Variants in SGCD observed in about 807,000 individuals in gnomAD.
The protein encoded by SGCD is sarcoglycan delta, also known as delta-sarcoglycan.
Under a neutral mutation model 36.6 loss-of-function variants are expected in SGCD, and 18 were observed. The observed-to-expected ratio is 0.49, with a 90% confidence interval of 0.34 to 0.73. The LOEUF (loss-of-function observed/expected upper bound fraction) is 0.73. SGCD is among the 30% of genes least tolerant of loss of function. SGCD has a pLI of 0.01. For missense variants in SGCD, 387 were observed against 346.7 expected, an observed-to-expected ratio of 1.12 and a Z score of -0.92; for synonymous variants, 133 against 130.6, an observed-to-expected ratio of 1.02 and a Z score of -0.12.
intron 3 of SGCD, among the ~76,000 whole-genome samples, chr5:156,423,089 G>A (rs766609396): frequency 4.4e-5 from 6 of 136,466 alleles, no homozygotes; most frequent in Admixed American, 8.1e-5. Context: ...TCCATTTCAC[G>A]AGGGTCATTA....
chr5:156,629,091 A>G (rs1171562733), intron 6 of SGCD, among the ~76,000 whole-genome samples: 1 of 152,200 alleles, frequency 6.6e-6, no homozygotes, highest in Non-Finnish European at 1.5e-5. Context: ...GAGGGAAATG[A>G]TGAGAGTATC....
rs369508913 is a variant in SGCD at position 156,305,324 on chromosome 5, C to T, written c.-43-24210C>T. On this transcript the variant is annotated intron_variant, in intron 3 of 9. Transcript: ENST00000517913. ...GACTTGGTGTCCTGCATCCCAGTCA[C>T]TCCAGCCATGGCTGAAAGGGGCCAA... Among the ~76,000 whole-genome samples the T allele has an allele frequency of 1.9e-3, 284 of 152,272 alleles. 1 individual carries two copies. Among genetic ancestry groups the T allele is most frequent in the Middle Eastern group, 6.8e-3 (2 of 294 alleles).
chr5:155,906,182 G>A (rs980930319), intron 1 of SGCD, among the ~76,000 whole-genome samples: 2 of 152,044 alleles, frequency 1.3e-5, no homozygotes, highest in African/African-American at 4.8e-5. Context: ...AATCATGCCT[G>A]TGTAATATAG....
At position 156,386,599 on chromosome 5, in the gene SGCD, C is replaced by T. The variant is rs771370351; in HGVS notation, c.192+41922C>T. On this transcript the variant is annotated intron_variant, in intron 3 of 8. Transcript: ENST00000337851. ...AAGTAAGGGTGCTAATAGTCCCTTG[C>T]GATGCCGCCATATATCTTAATGAAA... Among the ~76,000 whole-genome samples the T allele has an allele frequency of 5.3e-5, 8 of 152,194 alleles. No homozygotes were observed. The South Asian group carries it at 6.2e-4, about 12-fold the overall frequency.
At chr5:156,676,882 A>G (rs1753535564) in intron 7 of SGCD, among the ~76,000 whole-genome samples, 1 of 152,192 alleles carries the variant, frequency 6.6e-6, no homozygotes, top group Admixed American at 6.5e-5. Context: ...CTAGGGAATC[A>G]ATGATGAGCA....
chr5:156,274,886 C>G (rs1233923723), intron 3 of SGCD, among the ~76,000 whole-genome samples: 3 of 152,086 alleles, frequency 2.0e-5, no homozygotes, highest in Non-Finnish European at 4.4e-5. Context: ...GAGTTGCAAG[C>G]TCAAACACCT....
At chr5:156,705,344 C>CA (rs1289284538) in intron 7 of SGCD, among the ~76,000 whole-genome samples, 1 of 152,092 alleles carries the variant, frequency 6.6e-6, no homozygotes, top group East Asian at 1.9e-4. Flanking sequence ...CTGTCCATGT[C>CA]AGGGAATCAC....
chr5:156,379,459 G>T (rs1021017784), intron 3 of SGCD, among the ~76,000 whole-genome samples: 33 of 152,148 alleles, frequency 2.2e-4, no homozygotes, highest in African/African-American at 7.2e-4. Context: ...GAAACAGAAA[G>T]AAGTGTCCTT....
chr5:156,392,601 G>A (rs1189690863), intron 3 of SGCD, among the ~76,000 whole-genome samples: 2 of 152,200 alleles, frequency 1.3e-5, no homozygotes, highest in Non-Finnish European at 2.9e-5. Context: ...CTGACTTATT[G>A]CAAGGACAGA....
At chr5:156,610,727 A>G (rs12522361) in intron 6 of SGCD, among the ~76,000 whole-genome samples, 37,663 of 152,128 alleles carry the variant, frequency 0.25, 4,821 homozygotes, top group East Asian at 0.31. Flanking sequence ...TTACTTACTC[A>G]AGCCTCGGCA....
At chr5:156,578,535 A>G (rs371753617) in intron 4 of SGCD, among the ~76,000 whole-genome samples, 70 of 152,268 alleles carry the variant, frequency 4.6e-4, no homozygotes, top group South Asian at 2.5e-3. Context: ...CTGTGAATCC[A>G]TCTGGTCCTG....
chr5:155,807,566 C>T, the SGCD span, among the ~76,000 whole-genome samples: 25 of 152,218 alleles, frequency 1.6e-4, no homozygotes, highest in African/African-American at 5.5e-4. Context: ...AACTATGATC[C>T]GTTACTGGAG....
At chr5:156,670,858 G>A (rs1443933477) in intron 7 of SGCD, among the ~76,000 whole-genome samples, 1 of 152,132 alleles carries the variant, frequency 6.6e-6, no homozygotes, top group Non-Finnish European at 1.5e-5. Flanking sequence ...TTCAGTGGCT[G>A]TCACTAACTT....
At chr5:155,874,707 A>T (rs1755729997) in intron 1 of SGCD, among the ~76,000 whole-genome samples, 1 of 152,088 alleles carries the variant, frequency 6.6e-6, no homozygotes, top group South Asian at 2.1e-4. Flanking sequence ...AACCACAAGG[A>T]GATACCAACA....
At chr5:156,470,991 G>A (rs1754936699) in intron 3 of SGCD, among the ~76,000 whole-genome samples, 1 of 151,994 alleles carries the variant, frequency 6.6e-6, no homozygotes, top group Non-Finnish European at 1.5e-5. Flanking sequence ...TGAATCTGAA[G>A]GATTCATCTG....
At chr5:156,281,992 C>T (rs111323624) in intron 3 of SGCD, among the ~76,000 whole-genome samples, 1 of 151,938 alleles carries the variant, frequency 6.6e-6, no homozygotes, top group Admixed American at 6.6e-5. Flanking sequence ...GATCGCGCCA[C>T]TGCACTCTAG....
At chr5:156,097,573 C>A (rs1340845618) in intron 1 of SGCD, among the ~76,000 whole-genome samples, 1 of 151,632 alleles carries the variant, frequency 6.6e-6, no homozygotes, top group East Asian at 1.9e-4. Flanking sequence ...CCATTTGATT[C>A]TGCTTTATAG....
intron 4 of SGCD, among the ~76,000 whole-genome samples, chr5:156,510,364 G>A (rs1218541187): frequency 1.3e-5 from 2 of 152,112 alleles, no homozygotes; most frequent in Non-Finnish European, 2.9e-5. Flanking sequence ...ACAGAATAGA[G>A]ACAGTTTAAA....
At chr5:156,740,539 T>G (rs1454326139) in intron 7 of SGCD, among the ~76,000 whole-genome samples, 1 of 152,210 alleles carries the variant, frequency 6.6e-6, no homozygotes, top group Non-Finnish European at 1.5e-5. Flanking sequence ...AACACAGAAG[T>G]ATAATGGGCC....
Sources: gnomAD v4.1 joint callset for allele counts (sites outside exome capture counted in the v4.1 genomes callset) on GRCh38, gnomAD v4.1.1 for gene constraint, MANE v1.5 for transcripts, NCBI Gene and HGNC (gene_info 2026-07-23, HGNC 2026-07-21) for gene names.